GRID2: variants seen among roughly 807,000 people sequenced by gnomAD.
GRID2 encodes glutamate receptor ionotropic, delta-2.
In GRID2, 33 loss-of-function variants were observed where a neutral mutation model predicts 114.8. The ratio of observed to expected loss-of-function variants is 0.29; its 90% CI spans 0.22 to 0.38. The LOEUF (loss-of-function observed/expected upper bound fraction) is 0.38, where lower values mean the gene tolerates loss of function less well. GRID2 is among the 10% of genes least tolerant of loss of function. The pLI, the probability that GRID2 is intolerant of heterozygous loss-of-function variation, is 1.00. For missense variants in GRID2, 1,184 were observed against 1,257.7 expected, an observed-to-expected ratio of 0.94 and a Z score of 0.89; for synonymous variants, 505 against 449.9, an observed-to-expected ratio of 1.12 and a Z score of -1.55.
At chr4:92,397,243 TATC>T (rs1261048460) in intron 1 of GRID2, among the ~76,000 whole-genome samples, 2 of 152,074 alleles carry the variant, frequency 1.3e-5, no homozygotes, top group Non-Finnish European at 2.9e-5. Flanking sequence ...TAAGCTAAAA[TATC>T]ATGTAGGATT....
At chr4:92,779,784 G>T (rs781700838) in intron 2 of GRID2, among the ~76,000 whole-genome samples, 1 of 152,120 alleles carries the variant, frequency 6.6e-6, no homozygotes, top group Admixed American at 6.6e-5. Context: ...CTGGAATAAA[G>T]TCAGGGCTTT....
intron 8 of GRID2, among the ~76,000 whole-genome samples, chr4:93,256,057 G>A (rs1329589324): frequency 6.6e-6 from 1 of 151,940 alleles, no homozygotes; most frequent in African/African-American, 2.4e-5. Flanking sequence ...AACCCTGATT[G>A]CTGAAATACA....
chr4:93,469,889 C>A (rs12644831), intron 11 of GRID2, among the ~76,000 whole-genome samples: 1 of 152,076 alleles, frequency 6.6e-6, no homozygotes, highest in African/African-American at 2.4e-5. Context: ...AGATTAGTGA[C>A]GTTTCTGAAA....
intron 8 of GRID2, among the ~76,000 whole-genome samples, chr4:93,314,483 A>G (rs1255381391): frequency 1.3e-5 from 2 of 152,016 alleles, no homozygotes; most frequent in Non-Finnish European, 2.9e-5. Flanking sequence ...TTTGCTGTTC[A>G]CTGGAACATT....
Position 93,769,847 on chromosome 4 carries a change from A to G in GRID2, c.2601+397A>G, listed in dbSNP as rs1033047160. ...GTAAATTCCTCGTATCTCTAAGACT[A>G]GCCCCCCAAAAATACAATACTGTAA... is the stretch of plus-strand genomic sequence containing the variant. On this transcript the variant is annotated intron_variant, in intron 15 of 15. Transcript: ENST00000282020. Among the ~76,000 whole-genome samples the G allele has an allele frequency of 3.9e-5, 6 of 152,314 alleles. No individual in the cohort carries two copies. The East Asian group carries it at 1.2e-3, about 29-fold the overall frequency.
Position 93,422,905 on chromosome 4 carries a change from C to T in GRID2, c.1482C>T (p.His494=), listed in dbSNP as rs78407646. ...FNYEIYVAPD[H]KYGSPQEDGT... is the part of the protein sequence containing the mutation. ...ACGAAATTTACGTAGCACCGGATCA[C>T]AAATACGGAAGCCCACAAGAAGATG... Residue 494 remains histidine (H), a synonymous_variant, in exon 10 of 16, where the codon CAC becomes CAT. Transcript: ENST00000282020. 1,022 of 1,613,626 alleles carry T rather than the reference C, an allele frequency of 6.3e-4. 4 individuals are homozygous for T. Among genetic ancestry groups the T allele is most frequent in the Admixed American group, 5.0e-4 (30 of 59,998 alleles).
chr4:92,635,490 GT>G (rs566854978), intron 2 of GRID2, among the ~76,000 whole-genome samples: 8 of 151,022 alleles, frequency 5.3e-5, no homozygotes, highest in Admixed American at 1.3e-4. Context: ...TATTCGGAAA[GT>G]TTTTTTTTCC....
chr4:92,992,983 A>C, intron 2 of GRID2, among the ~76,000 whole-genome samples: 1 of 152,042 alleles, frequency 6.6e-6, no homozygotes, highest in East Asian at 1.9e-4. Context: ...AGCTACTTTC[A>C]GAGTGAGGCT....
chr4:92,536,428 C>G (rs549621997), intron 1 of GRID2, among the ~76,000 whole-genome samples: 1 of 152,116 alleles, frequency 6.6e-6, no homozygotes, highest in Non-Finnish European at 1.5e-5. Context: ...CCTCTCACTA[C>G]GTTGCATAGT....
At chr4:92,399,923 A>G (rs557263539) in intron 1 of GRID2, among the ~76,000 whole-genome samples, 2 of 152,252 alleles carry the variant, frequency 1.3e-5, no homozygotes, top group South Asian at 4.1e-4. Flanking sequence ...TGGGCAGAGC[A>G]TATTATTTCA....
intron 2 of GRID2, among the ~76,000 whole-genome samples, chr4:92,592,847 GA>G (rs1350428580): frequency 6.6e-6 from 1 of 151,430 alleles, no homozygotes; most frequent in Non-Finnish European, 1.5e-5. Context: ...ACGGTGGCTT[GA>G]AAAAAATAAG....
intron 1 of GRID2, among the ~76,000 whole-genome samples, chr4:92,466,340 T>A (rs1343437929): frequency 6.6e-6 from 1 of 151,820 alleles, no homozygotes; most frequent in Admixed American, 6.6e-5. Context: ...GTACAGAGAG[T>A]TAAAACTATT....
intron 2 of GRID2, among the ~76,000 whole-genome samples, chr4:92,919,306 C>A (rs544437090): frequency 1.3e-5 from 2 of 152,214 alleles, no homozygotes; most frequent in African/African-American, 4.8e-5. Flanking sequence ...AAACCAGCTC[C>A]TGGATTCATT....
At chr4:92,892,707 T>C in intron 2 of GRID2, among the ~76,000 whole-genome samples, 1 of 152,302 alleles carries the variant, frequency 6.6e-6, no homozygotes, top group African/African-American at 2.4e-5. Flanking sequence ...ATTTTAAAAA[T>C]AACTGATAGA....
At chr4:93,030,324 T>G (rs1000905245) in intron 2 of GRID2, among the ~76,000 whole-genome samples, 1 of 152,064 alleles carries the variant, frequency 6.6e-6, no homozygotes, top group Non-Finnish European at 1.5e-5. Context: ...TTTTAAACCC[T>G]GCTTGAGGCA....
intron 2 of GRID2, among the ~76,000 whole-genome samples, chr4:92,960,098 C>T (rs1219182160): frequency 6.6e-6 from 1 of 151,726 alleles, no homozygotes; most frequent in African/African-American, 2.4e-5. Flanking sequence ...TTATGGATTT[C>T]TGGTTTAATT....
intron 4 of GRID2, among the ~76,000 whole-genome samples, chr4:93,142,830 C>T (rs1050384279): frequency 1.3e-5 from 2 of 152,184 alleles, no homozygotes; most frequent in African/African-American, 4.8e-5. Context: ...GAAAAGTTTG[C>T]TGGATACTGT....
At chr4:93,399,675 A>C (rs1333936158) in intron 9 of GRID2, among the ~76,000 whole-genome samples, 1 of 152,110 alleles carries the variant, frequency 6.6e-6, no homozygotes, top group African/African-American at 2.4e-5. Flanking sequence ...CAGTGCAGAA[A>C]AAGAAAGAGA....
chr4:92,886,269 G>T (rs1035152057), intron 2 of GRID2, among the ~76,000 whole-genome samples: 2 of 152,034 alleles, frequency 1.3e-5, no homozygotes, highest in Admixed American at 1.3e-4. Flanking sequence ...TATTACAATA[G>T]TAATATCAAA....
Sources: allele counts gnomAD v4.1 joint callset (sites outside exome capture counted in the v4.1 genomes callset), GRCh38; gene constraint gnomAD v4.1.1; transcripts MANE v1.5; gene names NCBI Gene and HGNC (gene_info 2026-07-23, HGNC 2026-07-21).